Variants in WDR97 observed in about 807,000 individuals in gnomAD.
WDR97 encodes WD repeat-containing protein 97.
A neutral mutation model predicts 65.4 loss-of-function variants in WDR97; 111 were observed. That is an observed-to-expected ratio of 1.70 (90% confidence interval 1.45 to 1.99). WDR97 has a LOEUF of 1.99. Among genes scored for constraint, WDR97 ranks in the 30% most tolerant of loss-of-function variants. WDR97 has a pLI of 0.00. For missense variants in WDR97, 1,674 were observed against 865.0 expected (o/e 1.94, Z -11.73); for synonymous variants, 802 against 397.7 (o/e 2.02, Z -12.10).
chr8:144,110,775 C>T (rs1385339081), intron 8 of WDR97, 36 bp downstream of exon 8: 18 of 702,496 alleles, frequency 2.6e-5, no homozygotes, highest in Non-Finnish European at 4.7e-5. Flanking sequence ...GGGTCTCCTA[C>T]CTCTGCTCCT....
rs564109072 is a variant in WDR97 at position 144,109,612 on chromosome 8, C to T, written c.1278C>T (p.Leu426=). The change falls in exon 5 of 24, where the codon CTC becomes CTT. Residue 426 remains leucine (L), a synonymous_variant. Coordinates refer to ENST00000323662, the MANE Select transcript of WDR97 (RefSeq NM_001316309.2). ...TGGCGCAACTGCCCGCCAAGGTGCT[C>T]CACGTGCAGGTGGCGCCCGCGTTGC... ...SPLAQLPAKV[L]HVQVAPALPA... 1.6e-5 allele frequency: 11 copies of T among 687,572 alleles called. No homozygotes were observed. In the South Asian group the frequency reaches 1.7e-4, roughly 10 times the overall value. 42.6% of individuals were successfully genotyped at this position (687,572 alleles called of 1,614,324 possible).
chr8:144,111,691 G>T lies in WDR97; in HGVS notation c.2547G>T (p.Val849=). Residue 849 remains valine (V), a synonymous_variant, in exon 12 of 24, where the codon GTG becomes GTT. Coordinates refer to ENST00000323662, the MANE Select transcript of WDR97 (RefSeq NM_001316309.2). ...RDLQQLRLGL[V]VPAAQPPPSW... ...TTCAGCAGTTGAGGCTGGGGCTAGT[G>T]GTCCCAGCAGCCCAGCCCCCACCCT... 2 of 699,146 alleles carry T rather than the reference G, an allele frequency of 2.9e-6. No individual in the cohort carries two copies. The highest frequency in any genetic ancestry group is 1.5e-5 in the South Asian group (1 of 67,314). 43.3% of individuals were successfully genotyped at this position (699,146 alleles called of 1,614,324 possible). A position where few individuals can be genotyped will look rare whatever the true frequency, so the allele number is the denominator to read the frequency against.
chr8:144,112,564 C>A, intron 15 of WDR97, 34 bp downstream of exon 15: 1 of 702,470 alleles, frequency 1.4e-6, no homozygotes, highest in South Asian at 1.5e-5. Context: ...GAGAGCCACT[C>A]CTCTCCAGGC....
intron 21 of WDR97, 104 bp downstream of exon 21, chr8:144,115,015 T>G: frequency 1.6e-6 from 1 of 609,418 alleles, no homozygotes; most frequent in Non-Finnish European, 2.9e-6. Context: ...GCTCCTTCCT[T>G]GCCTTGCCCA....
At position 144,113,958 on chromosome 8, in the gene WDR97, G is replaced by A. The variant is rs1414950150; in HGVS notation, c.3409-19G>A. On this transcript the variant is annotated intron_variant, in intron 17 of 23. Coordinates refer to ENST00000323662, the MANE Select transcript of WDR97 (RefSeq NM_001316309.2). The stretch of plus-strand genomic sequence containing the variant: ...GAGACCCAGACAGGTGGGACCTGCA[G>A]CCACTGCTGCTCCCCTAGAGTGCTG... 1 of 699,192 alleles carries A rather than the reference G, an allele frequency of 1.4e-6. No individual in the cohort carries two copies. Among genetic ancestry groups the A allele is most frequent in the Admixed American group, 2.0e-5 (1 of 49,774 alleles). The allele number at this position is 699,192 out of a possible 1,614,324, so 43.3% of individuals were successfully genotyped here. A position where few individuals can be genotyped will look rare whatever the true frequency, so the allele number is the denominator to read the frequency against.
In WDR97 at chr8:144,114,379, A is replaced by G; in HGVS notation, c.3696A>G (p.Leu1232=). ...WVDRVHILQV[L]LRLLPNMSSD... ...ACCGTGTGCACATCCTGCAGGTGCT[A>G]CTGAGACTGCTGCCCAACATGAGCA... Residue 1232 remains leucine, a synonymous_variant, in exon 19 of 24, where the codon CTA becomes CTG. Transcript: ENST00000323662. The G allele has an allele frequency of 2.8e-6, 2 of 702,764 alleles. No homozygotes were observed. The highest frequency in any genetic ancestry group is 1.5e-5 in the South Asian group (1 of 67,600). The allele number at this position is 702,764 out of a possible 1,614,324, so 43.5% of individuals were successfully genotyped here. A position where few individuals can be genotyped will look rare whatever the true frequency, so the allele number is the denominator to read the frequency against.
chr8:144,112,652 C>A (rs1000776481), intron 15 of WDR97, 122 bp downstream of exon 15: 6 of 662,692 alleles, frequency 9.1e-6, no homozygotes, highest in Non-Finnish European at 1.4e-5. Context: ...TGCCCACCTA[C>A]AACCAGAGGG....
intron 5 of WDR97, 34 bp from the exon 6 acceptor site, chr8:144,110,080 A>G (rs976755733): frequency 2.9e-6 from 2 of 698,582 alleles, no homozygotes; most frequent in African/African-American, 3.5e-5. Context: ...AAGGAGCGGC[A>G]GGGTCCGCGC....
rs1408537335 is a variant in WDR97, at chr8:144,114,609, C to A, written c.3848C>A (p.Ser1283Tyr). 13 of 702,804 alleles carry A rather than the reference C, an allele frequency of 1.8e-5. No individual in the cohort carries two copies. In the Admixed American group the frequency reaches 2.6e-4, roughly 14 times the overall value. The allele number at this position is 702,804 out of a possible 1,614,324, so 43.5% of individuals were successfully genotyped here. A position where few individuals can be genotyped will look rare whatever the true frequency, so the allele number is the denominator to read the frequency against. The change falls in exon 20 of 24, where the codon TCC (serine) becomes TAC (tyrosine). Residue 1283 changes from serine to tyrosine, a missense_variant. Coordinates refer to ENST00000323662, the MANE Select transcript of WDR97 (RefSeq NM_001316309.2). ...GCGCTGCAGCTGCTCCTGGCCTGCT[C>A]CCTGGAGTCCCGGGATGTGGTGCTG... ...ILALQLLLAC[S>Y]LESRDVVLEL...
chr8:144,111,704 C>T lies in WDR97; in HGVS notation c.2560C>T (p.Gln854Ter), dbSNP rs775759248. 3.7e-5 allele frequency: 26 copies of T among 698,692 alleles called. No individual in the cohort carries two copies. Among genetic ancestry groups the T allele is most frequent in the Middle Eastern group, 2.3e-4 (1 of 4,374 alleles). The allele number at this position is 698,692 out of a possible 1,614,324, so 43.3% of individuals were successfully genotyped here. A position where few individuals can be genotyped will look rare whatever the true frequency, so the allele number is the denominator to read the frequency against. ...GCTGGGGCTAGTGGTCCCAGCAGCC[C>T]AGCCCCCACCCTCCTGGCAGCAGCG... ...LRLGLVVPAA[Q>*]PPPSWQQRQE... Residue 854 changes from glutamine to a stop codon, truncating the protein, a stop_gained, in exon 12 of 24, where the codon CAG becomes TAG. Coordinates refer to ENST00000323662, the MANE Select transcript of WDR97 (RefSeq NM_001316309.2). LOFTEE classifies it high-confidence loss of function.
chr8:144,110,477 G>A lies in WDR97; in HGVS notation c.1980G>A (p.Glu660=), dbSNP rs1319026251. ...GCAGACGCGTCACCGCGGGCTTTGA[G>A]GACCCAGACAGCGCTACCTACGGCC... ...ALGRRVTAGF[E]DPDSATYGLV... Residue 660 remains glutamate, a synonymous_variant, in exon 7 of 24, where the codon GAG becomes GAA. Coordinates refer to ENST00000323662, the MANE Select transcript of WDR97 (RefSeq NM_001316309.2). 1.4e-6 allele frequency: 1 copy of A among 703,002 alleles called. No homozygotes were observed. The highest frequency in any genetic ancestry group is 1.5e-5 in the South Asian group (1 of 67,604). The allele number at this position is 703,002 out of a possible 1,614,324, so 43.5% of individuals were successfully genotyped here.
Position 144,109,791 on chromosome 8 carries a change from G to T in WDR97, c.1457G>T (p.Arg486Leu), listed in dbSNP as rs1380186381. 1.6e-5 allele frequency: 11 copies of T among 670,210 alleles called. No homozygotes were observed. The Admixed American group carries it at 2.5e-4, about 15-fold the overall frequency. 41.5% of individuals were successfully genotyped at this position (670,210 alleles called of 1,614,324 possible). A position where few individuals can be genotyped will look rare whatever the true frequency, so the allele number is the denominator to read the frequency against. The change falls in exon 5 of 24, where the codon CGC becomes CTC. Residue 486 changes from arginine to leucine, a missense_variant. Physicochemically the swap from Arg to Leu is moderately radical, Grantham distance 102. Transcript: ENST00000323662. ...CAAAVAYCLP[R>L]EALWLLTRAG... ...GCAGCCGTGGCCTACTGCCTGCCGC[G>T]CGAGGCGCTGTGGCTGCTGACCAGG...
chr8:144,113,867 G>A lies in WDR97; in HGVS notation c.3394G>A (p.Glu1132Lys), dbSNP rs1420241686. 1.4e-6 allele frequency: 1 copy of A among 694,334 alleles called. No homozygotes were observed. The highest frequency in any genetic ancestry group is 2.6e-6 in the Non-Finnish European group (1 of 379,732). The allele number at this position is 694,334 out of a possible 1,614,324, so 43.0% of individuals were successfully genotyped here. ...PHSNQQLDSWELEDQSAVDWT... is the reference protein window; with the variant it reads ...PHSNQQLDSWKLEDQSAVDWT... The stretch of plus-strand genomic sequence containing the variant: ...CTCCAACCAGCAGCTGGATTCCTGG[G>A]AACTGGAGGATCAGGTAGAGGCTCA... Residue 1132 changes from glutamate (E) to lysine (K), a missense_variant, in exon 17 of 24, where the codon GAA becomes AAA. By Grantham distance (56) the Glu-to-Lys change is moderately conservative. Coordinates refer to ENST00000323662, the MANE Select transcript of WDR97 (RefSeq NM_001316309.2).
chr8:144,111,529 C>T, intron 11 of WDR97, 43 bp downstream of exon 11: 1 of 698,354 alleles, frequency 1.4e-6, no homozygotes. Flanking sequence ...CGGCTCAGGC[C>T]CCAGCCGTCA....
In WDR97 at chr8:144,110,651, C is replaced by A. The variant is rs1222514141; in HGVS notation, c.2083C>A (p.Leu695Met). 2.8e-6 allele frequency: 2 copies of A among 702,894 alleles called. No homozygotes were observed. Among genetic ancestry groups the A allele is most frequent in the South Asian group, 3.0e-5 (2 of 67,606 alleles). 43.5% of individuals were successfully genotyped at this position (702,894 alleles called of 1,614,324 possible). The change falls in exon 8 of 24, where the codon CTG (leucine) becomes ATG (methionine). Residue 695 changes from leucine (L) to methionine (M), a missense_variant and splice_region_variant. Transcript: ENST00000323662. ...QDDPTDHITG[L>M]CCCPTLKLYA... is the part of the protein sequence containing the mutation. The stretch of plus-strand genomic sequence containing the variant: ...CTGACCCTGAACCCTGCCGCCAGGC[C>A]TGTGCTGCTGCCCCACGCTCAAACT...
rs956039958 is a variant in WDR97, at chr8:144,114,733, C to T, written c.3915-16C>T. 21 of 702,012 alleles carry T rather than the reference C, an allele frequency of 3.0e-5. No homozygotes were observed. In the Admixed American group the frequency reaches 3.8e-4, roughly 13 times the overall value. 43.5% of individuals were successfully genotyped at this position (702,012 alleles called of 1,614,324 possible). Reference sequence around the variant, plus strand: ...ACTGGGAAGGCCTCTGGACAAGCCACATGCACCTGTCCCAGGCCAGAGCTC... The same window carrying T: ...ACTGGGAAGGCCTCTGGACAAGCCATATGCACCTGTCCCAGGCCAGAGCTC... On this transcript the variant is annotated splice_polypyrimidine_tract_variant and intron_variant, in intron 20 of 23. Coordinates refer to ENST00000323662, the MANE Select transcript of WDR97 (RefSeq NM_001316309.2).
At position 144,114,478 on chromosome 8, in the gene WDR97, G is replaced by A. The variant is rs1836611393; in HGVS notation, c.3792+3G>A. ...TGGACCAGCCCCCCAGCCTCCAGGT[G>A]TGCCCCTTGTCCTGCCCCCAGTTTT... On this transcript the variant is annotated splice_donor_region_variant and intron_variant, in intron 19 of 23. Coordinates refer to ENST00000323662, the MANE Select transcript of WDR97 (RefSeq NM_001316309.2). The A allele has an allele frequency of 2.8e-6, 2 of 702,310 alleles. No homozygotes were observed. Among genetic ancestry groups the A allele is most frequent in the Non-Finnish European group, 5.2e-6 (2 of 384,678 alleles). 43.5% of individuals were successfully genotyped at this position (702,310 alleles called of 1,614,324 possible). A position where few individuals can be genotyped will look rare whatever the true frequency, so the allele number is the denominator to read the frequency against.
In WDR97 at chr8:144,114,676, G is replaced by C. The variant is rs192907628; in HGVS notation, c.3914+1G>C. The C allele has an allele frequency of 1.4e-6, 1 of 702,746 alleles. No homozygotes were observed. The highest frequency in any genetic ancestry group is 2.0e-5 in the Admixed American group (1 of 50,012). The allele number at this position is 702,746 out of a possible 1,614,324, so 43.5% of individuals were successfully genotyped here. A position where few individuals can be genotyped will look rare whatever the true frequency, so the allele number is the denominator to read the frequency against. ...TCCTCTACTCTCCCGTGCACTGCCG[G>C]TGAGTTGCGCTCCTGCCCAGCCCTC... On this transcript the variant is annotated splice_donor_variant, in intron 20 of 23. Transcript: ENST00000323662. LOFTEE classifies it high-confidence loss of function.
At chr8:144,111,524 C>T (rs1380906587) in intron 11 of WDR97, 38 bp downstream of exon 11, 1 of 699,228 alleles carries the variant, frequency 1.4e-6, no homozygotes, top group African/African-American at 1.7e-5. Flanking sequence ...TGCCCCGGCT[C>T]AGGCCCCAGC....
Sources: gnomAD v4.1 joint callset for allele counts on GRCh38, gnomAD v4.1.1 for gene constraint, MANE v1.5 for transcripts, NCBI Gene and HGNC (gene_info 2026-07-23, HGNC 2026-07-21) for gene names.